The following SLC9C2 variants were observed in gnomAD, a reference collection of about 807,000 sequenced individuals.
SLC9C2 encodes the protein solute carrier family 9 member C2 (putative).
Under a neutral mutation model 140.2 loss-of-function variants are expected in SLC9C2, and 75 were observed. The ratio of observed to expected loss-of-function variants is 0.53; its 90% CI spans 0.44 to 0.65. The LOEUF is 0.65. Among genes scored for constraint, SLC9C2 ranks in the 30% least tolerant of loss-of-function variants. The probability of loss-of-function intolerance (pLI) is 0.00; values close to 1 mark genes in which losing one functional copy is unlikely to be tolerated. For missense variants in SLC9C2, 1,074 were observed against 1,331.8 expected (o/e 0.81, Z 3.01); for synonymous variants, 375 against 420.9 (o/e 0.89, Z 1.34).
chr1:173,522,121 G>T (rs900996897), intron 21 of SLC9C2, among the ~76,000 whole-genome samples: 6 of 151,680 alleles, frequency 4.0e-5, no homozygotes, highest in Non-Finnish European at 7.4e-5. Context: ...CCAGCTACAG[G>T]CTGGGCAGGA....
Position 173,581,901 on chromosome 1 carries a change from T to C in SLC9C2, c.748A>G (p.Met250Val). The change falls in exon 7 of 28, where the codon ATG becomes GTG. Residue 250 changes from methionine (M) to valine (V), a missense_variant. Coordinates refer to ENST00000367714, the MANE Select transcript of SLC9C2 (RefSeq NM_178527.4). Reference protein sequence around the residue: ...QCILADVFSNMLTNIILCFSM... With the variant: ...QCILADVFSNVLTNIILCFSM... ...AAGCAGAGAATGATATTAGTCAGCA[T>C]ATTGCTAAAAACGTCAGCCAATATA... The C allele has an allele frequency of 6.2e-7, 1 of 1,606,814 alleles. No homozygotes were observed. Among genetic ancestry groups the C allele is most frequent in the Non-Finnish European group, 8.5e-7 (1 of 1,175,296 alleles).
chr1:173,579,516 C>T (rs1665391440), intron 7 of SLC9C2, among the ~76,000 whole-genome samples: 1 of 151,990 alleles, frequency 6.6e-6, no homozygotes, highest in Non-Finnish European at 1.5e-5. Flanking sequence ...GAACCAAGGT[C>T]CTGGCTCAGT....
At chr1:173,501,182 T>A in intron 27 of SLC9C2, 85 bp from the exon 28 acceptor site, 1 of 1,334,524 alleles carries the variant, frequency 7.5e-7, no homozygotes, top group Non-Finnish European at 1.0e-6. Flanking sequence ...CCAGAAAACT[T>A]ATGTAGGCAT....
At chr1:173,513,965 G>A (rs557418338) in intron 23 of SLC9C2, among the ~76,000 whole-genome samples, 2 of 151,814 alleles carry the variant, frequency 1.3e-5, no homozygotes, top group South Asian at 2.1e-4. Flanking sequence ...CAATTTCCAT[G>A]GTTTTGAGTG....
At chr1:173,570,281 A>G (rs1459024042) in intron 9 of SLC9C2, among the ~76,000 whole-genome samples, 4 of 151,994 alleles carry the variant, frequency 2.6e-5, no homozygotes, top group Admixed American at 6.5e-5. Context: ...TCCTGCCAGG[A>G]CTGGGTCCTT....
intron 21 of SLC9C2, 125 bp from the exon 22 acceptor site, chr1:173,521,524 G>GCA (rs1660825390): frequency 2.0e-5 from 5 of 250,836 alleles, no homozygotes; most frequent in Non-Finnish European, 3.8e-5. Flanking sequence ...GTGTGTGTGT[G>GCA]TATATATATA....
chr1:173,599,977 A>G (rs975163373), intron 3 of SLC9C2, 140 bp downstream of exon 3: 1 of 529,576 alleles, frequency 1.9e-6, no homozygotes, highest in Non-Finnish European at 3.4e-6. Context: ...TTATTTTCCA[A>G]ATTTTTTAAT....
rs775471335 is a variant in SLC9C2 at position 173,534,468 on chromosome 1, C to A, written c.1974+16G>T. 4.6e-6 allele frequency: 7 copies of A among 1,530,776 alleles called. No homozygotes were observed. The South Asian group carries it at 6.5e-5, about 14-fold the overall frequency. The allele number at this position is 1,530,776 out of a possible 1,614,324, so 94.8% of individuals were successfully genotyped here. On this transcript the variant is annotated intron_variant, in intron 16 of 27. Transcript: ENST00000367714. ...ATTGCTCTTTTTATAGATTCTATTT[C>A]TATTTTAAACAGTACCTTCAATGTT... is the stretch of plus-strand genomic sequence containing the variant.
intron 9 of SLC9C2, among the ~76,000 whole-genome samples, chr1:173,563,693 C>T (rs1664267318): frequency 6.6e-6 from 1 of 152,092 alleles, no homozygotes; most frequent in South Asian, 2.1e-4. Flanking sequence ...AGCATTTATC[C>T]TTTGTGTTAC....
chr1:173,548,570 G>C lies in SLC9C2; in HGVS notation c.1298-18C>G. Reference sequence around the variant, plus strand: ...ACACAAATCTGTGACAAAGACAAAAGCAAAGGCCTTAATAGAGTACAGTGA... The same window carrying C: ...ACACAAATCTGTGACAAAGACAAAACCAAAGGCCTTAATAGAGTACAGTGA... On this transcript the variant is annotated intron_variant, in intron 11 of 27. Transcript: ENST00000367714. The C allele has an allele frequency of 6.2e-7, 1 of 1,612,970 alleles. No homozygotes were observed.
chr1:173,540,034 T>C (rs904467619), intron 13 of SLC9C2, among the ~76,000 whole-genome samples: 2 of 152,114 alleles, frequency 1.3e-5, no homozygotes, highest in South Asian at 2.1e-4. Context: ...ACTAATAAAA[T>C]GGGGGTAAAA....
At chr1:173,532,212 G>C (rs1017583323) in intron 17 of SLC9C2, among the ~76,000 whole-genome samples, 7 of 152,160 alleles carry the variant, frequency 4.6e-5, no homozygotes, top group African/African-American at 7.2e-5. Context: ...AGGTGGAGGA[G>C]TCTAATATGT....
chr1:173,583,866 C>T (rs1367160278), intron 5 of SLC9C2, among the ~76,000 whole-genome samples: 1 of 152,182 alleles, frequency 6.6e-6, no homozygotes, highest in Non-Finnish European at 1.5e-5. Flanking sequence ...ATTGTCTCAA[C>T]CATACTTGAG....
chr1:173,527,536 G>T (rs1661293036), intron 18 of SLC9C2, among the ~76,000 whole-genome samples: 1 of 152,172 alleles, frequency 6.6e-6, no homozygotes, highest in Non-Finnish European at 1.5e-5. Flanking sequence ...GCACTCCAGG[G>T]CTAACCAATC....
At chr1:173,509,187 T>C (rs569509813) in intron 24 of SLC9C2, among the ~76,000 whole-genome samples, 3 of 152,272 alleles carry the variant, frequency 2.0e-5, no homozygotes, top group African/African-American at 7.2e-5. Context: ...CTCACGCCTA[T>C]AATCCCAGCA....
rs1553245335 is a variant in SLC9C2, at chr1:173,507,060, T to C, written c.3040-19A>G. 6.5e-7 allele frequency: 1 copy of C among 1,527,844 alleles called. No homozygotes were observed. Among genetic ancestry groups the C allele is most frequent in the Non-Finnish European group, 8.8e-7 (1 of 1,141,816 alleles). 94.6% of individuals were successfully genotyped at this position (1,527,844 alleles called of 1,614,324 possible). On this transcript the variant is annotated intron_variant, in intron 24 of 27. Transcript: ENST00000367714. The stretch of plus-strand genomic sequence containing the variant: ...TTAAGTCCTATAATAAAATTGCATT[T>C]TAGAAAATAAGTCATACAAACTGAC...
chr1:173,595,639 A>T (rs886297643), intron 4 of SLC9C2, among the ~76,000 whole-genome samples: 1 of 152,212 alleles, frequency 6.6e-6, no homozygotes, highest in African/African-American at 2.4e-5. Context: ...AGAACATAAA[A>T]TTTTTAAATT....
chr1:173,547,341 T>C (rs1336233653), intron 13 of SLC9C2, among the ~76,000 whole-genome samples: 3 of 151,532 alleles, frequency 2.0e-5, no homozygotes, highest in African/African-American at 7.3e-5. Context: ...GAGAATTTCG[T>C]ATAAATGGAA....
chr1:173,563,061 G>A (rs1378486746), intron 9 of SLC9C2, among the ~76,000 whole-genome samples: 7 of 151,988 alleles, frequency 4.6e-5, no homozygotes, highest in East Asian at 1.9e-4. Flanking sequence ...AGCAAGGATC[G>A]TTTGTCCTGT....
Sources: allele counts gnomAD v4.1 joint callset (sites outside exome capture counted in the v4.1 genomes callset), GRCh38; gene constraint gnomAD v4.1.1; transcripts MANE v1.5; gene names NCBI Gene and HGNC (gene_info 2026-07-23, HGNC 2026-07-21).